The following XPR1 variants were observed in gnomAD, a reference collection of about 807,000 sequenced individuals.
XPR1 encodes solute carrier family 53 member 1.
A neutral mutation model predicts 87.5 loss-of-function variants in XPR1; 28 were observed. That is an observed-to-expected ratio of 0.32 (90% confidence interval 0.24 to 0.44). The LOEUF is 0.44. Ranked by LOEUF, XPR1 falls within the 20% of genes least tolerant of loss-of-function variation. XPR1 has a pLI of 1.00. For synonymous variants in XPR1, 300 were observed against 306.1 expected (o/e 0.98, Z 0.21); for missense variants, 559 against 862.3 (o/e 0.65, Z 4.41).
intron 6 of XPR1, 135 bp from the exon 7 acceptor site, chr1:180,811,272 A>G: frequency 1.3e-6 from 1 of 742,338 alleles, no homozygotes; most frequent in Non-Finnish European, 2.2e-6. Flanking sequence ...TCTGGTTCAG[A>G]TTTATAAAAA....
intron 2 of XPR1, among the ~76,000 whole-genome samples, chr1:180,727,913 G>A (rs961815169): frequency 2.6e-5 from 4 of 152,140 alleles, no homozygotes; most frequent in African/African-American, 7.2e-5. Flanking sequence ...CACTTTCATC[G>A]TCATCTTGAT....
intron 9 of XPR1, among the ~76,000 whole-genome samples, chr1:180,828,276 T>C (rs1372305576): frequency 1.3e-5 from 2 of 152,230 alleles, no homozygotes; most frequent in Non-Finnish European, 2.9e-5. Flanking sequence ...AATTGATATA[T>C]GCTATGCTCC....
intron 14 of XPR1, among the ~76,000 whole-genome samples, chr1:180,882,579 C>A (rs774964961): frequency 1.2e-4 from 19 of 152,158 alleles, no homozygotes; most frequent in Non-Finnish European, 2.6e-4. Context: ...TAGTCTCAAA[C>A]TCCTAGCCTG....
At chr1:180,880,809 A>G (rs2102227409) in intron 14 of XPR1, among the ~76,000 whole-genome samples, 1 of 148,380 alleles carries the variant, frequency 6.7e-6, no homozygotes, top group Admixed American at 6.8e-5. Context: ...AACTATTACT[A>G]TTTTTATCTT....
intron 2 of XPR1, among the ~76,000 whole-genome samples, chr1:180,704,810 G>A (rs1352413942): frequency 1.3e-5 from 1 of 77,766 alleles, no homozygotes; most frequent in Non-Finnish European, 3.1e-5. Flanking sequence ...AGGGACTGTT[G>A]GTTGTTTTTT....
At chr1:180,747,404 T>C (rs1372363910) in intron 2 of XPR1, among the ~76,000 whole-genome samples, 1 of 152,328 alleles carries the variant, frequency 6.6e-6, no homozygotes, top group South Asian at 2.1e-4. Flanking sequence ...TGCTAATACA[T>C]TGTTTATTTG....
intron 1 of XPR1, among the ~76,000 whole-genome samples, chr1:180,674,345 G>A (rs563726001): frequency 5.9e-5 from 9 of 152,208 alleles, no homozygotes; most frequent in East Asian, 5.8e-4. Context: ...CACAACTGCC[G>A]CCTCCCGGGT....
At chr1:180,727,753 T>C (rs1373486792) in intron 2 of XPR1, among the ~76,000 whole-genome samples, 1 of 152,262 alleles carries the variant, frequency 6.6e-6, no homozygotes, top group Non-Finnish European at 1.5e-5. Context: ...CCCATTTTTA[T>C]GGTTATTTCT....
intron 6 of XPR1, among the ~76,000 whole-genome samples, chr1:180,809,429 A>C (rs1650128630): frequency 6.6e-6 from 1 of 152,172 alleles, no homozygotes; most frequent in African/African-American, 2.4e-5. Flanking sequence ...ATATCAACTT[A>C]GTCAGTAAAG....
Position 180,825,303 on chromosome 1 carries a change from A to T in XPR1, c.1093A>T (p.Thr365Ser), listed in dbSNP as rs141311408. 1.2e-6 allele frequency: 2 copies of T among 1,613,632 alleles called. No individual in the cohort carries two copies. Among genetic ancestry groups the T allele is most frequent in the African/African-American group, 1.3e-5 (1 of 74,882 alleles). ...TTTCTTCCTTATCAACCCCACCAAAACTTTCTACTATAAATCCCGGTTTTG... is the reference window on the plus strand; with the variant it reads ...TTTCTTCCTTATCAACCCCACCAAATCTTTCTACTATAAATCCCGGTTTTG... ...MVFFLINPTK[T>S]FYYKSRFWLL... is the part of the protein sequence containing the mutation. Residue 365 changes from threonine to serine, a missense_variant, in exon 9 of 15, where the codon ACT becomes TCT. Coordinates refer to ENST00000367590, the MANE Select transcript of XPR1 (RefSeq NM_004736.4).
Position 180,796,667 on chromosome 1 carries a change from TAAC to T in XPR1, c.224-6719_224-6717del, listed in dbSNP as rs371184363. On this transcript the variant is annotated intron_variant, in intron 3 of 14. Transcript: ENST00000367590. ...CACGCAAAAACTTGTATGAGAGTGT[TAAC>T]AGCAGCATTATTTACATAGTTTAAA... 7.3e-4 allele frequency among the ~76,000 whole-genome samples: 111 copies of T among 152,300 alleles called. No homozygotes were observed. In the East Asian group the frequency reaches 0.011, roughly 15 times the overall value.
At chr1:180,751,733 A>G (rs1647542154) in intron 2 of XPR1, among the ~76,000 whole-genome samples, 1 of 152,156 alleles carries the variant, frequency 6.6e-6, no homozygotes, top group East Asian at 1.9e-4. Flanking sequence ...TGCCTGAAGT[A>G]GAATAATTTA....
chr1:180,806,603 A>T, intron 6 of XPR1, 46 bp downstream of exon 6: 3 of 1,563,214 alleles, frequency 1.9e-6, no homozygotes, highest in Non-Finnish European at 1.8e-6. Flanking sequence ...CCTATTTAAT[A>T]ATCAACACAG....
At chr1:180,818,480 A>C (rs1650494263) in intron 7 of XPR1, among the ~76,000 whole-genome samples, 1 of 152,148 alleles carries the variant, frequency 6.6e-6, no homozygotes, top group Non-Finnish European at 1.5e-5. Context: ...TAGTTTCTTC[A>C]TGTATCTGCT....
chr1:180,735,120 T>C (rs1658687480), intron 2 of XPR1, among the ~76,000 whole-genome samples: 1 of 152,226 alleles, frequency 6.6e-6, no homozygotes, highest in Non-Finnish European at 1.5e-5. Flanking sequence ...AGAAACACAC[T>C]TTGTTTCAGA....
intron 1 of XPR1, among the ~76,000 whole-genome samples, chr1:180,659,655 A>T (rs1655696927): frequency 7.5e-6 from 1 of 132,692 alleles, no homozygotes; most frequent in Non-Finnish European, 1.5e-5. Flanking sequence ...AGTAGCTGGG[A>T]TTACAGGCAC....
At chr1:180,861,557 T>G (rs977639691) in intron 11 of XPR1, among the ~76,000 whole-genome samples, 1 of 152,154 alleles carries the variant, frequency 6.6e-6, no homozygotes, top group Non-Finnish European at 1.5e-5. Flanking sequence ...TGACATAATG[T>G]TGTAGTATAA....
chr1:180,828,790 G>T, intron 9 of XPR1, among the ~76,000 whole-genome samples: 1 of 152,122 alleles, frequency 6.6e-6, no homozygotes, highest in East Asian at 1.9e-4. Context: ...ATGAACCCAG[G>T]CAGTCGTTTA....
At chr1:180,811,566 T>C in intron 7 of XPR1, 78 bp downstream of exon 7, 3 of 1,096,688 alleles carry the variant, frequency 2.7e-6, no homozygotes, top group South Asian at 1.6e-5. Flanking sequence ...TAAGGAATTA[T>C]GCATGCAACT....
Sources: allele counts gnomAD v4.1 joint callset (sites outside exome capture counted in the v4.1 genomes callset), GRCh38; gene constraint gnomAD v4.1.1; transcripts MANE v1.5; gene names NCBI Gene and HGNC (gene_info 2026-07-23, HGNC 2026-07-21).